The following MARCHF4 variants were observed in gnomAD, a reference collection of about 807,000 sequenced individuals.
The protein encoded by MARCHF4 is E3 ubiquitin-protein ligase MARCHF4.
In MARCHF4, 14 loss-of-function variants were observed where a neutral mutation model predicts 43.9. The observed-to-expected ratio is 0.32, with a 90% confidence interval of 0.21 to 0.50. MARCHF4 has a LOEUF of 0.50. MARCHF4 is among the 20% of genes least tolerant of loss of function. The pLI, the probability that MARCHF4 is intolerant of heterozygous loss-of-function variation, is 0.98. For synonymous variants in MARCHF4, 226 were observed against 213.3 expected (o/e 1.06, Z -0.52); for missense variants, 468 against 536.7 (o/e 0.87, Z 1.27).
chr2:216,304,666 A>T (rs1220022806), intron 1 of MARCHF4, among the ~76,000 whole-genome samples: 2 of 152,164 alleles, frequency 1.3e-5, no homozygotes, highest in Admixed American at 6.5e-5. Context: ...AATCTCCATC[A>T]GTCAAGTCTG....
chr2:216,285,743 GA>G, intron 1 of MARCHF4, among the ~76,000 whole-genome samples: 1 of 152,218 alleles, frequency 6.6e-6, no homozygotes, highest in South Asian at 2.1e-4. Flanking sequence ...AACAGGAGGG[GA>G]TGAGTGGAGA....
At chr2:216,354,850 C>A (rs987468187) in intron 1 of MARCHF4, among the ~76,000 whole-genome samples, 1 of 152,126 alleles carries the variant, frequency 6.6e-6, no homozygotes, top group Admixed American at 6.5e-5. Flanking sequence ...TGTCTACTCT[C>A]AGTTAATTCC....
At chr2:216,343,494 C>T (rs1433909573) in intron 1 of MARCHF4, among the ~76,000 whole-genome samples, 1 of 152,186 alleles carries the variant, frequency 6.6e-6, no homozygotes, top group Non-Finnish European at 1.5e-5. Context: ...AATACCATCA[C>T]ATCGGAGGTT....
intron 1 of MARCHF4, among the ~76,000 whole-genome samples, chr2:216,299,172 T>C (rs1430734343): frequency 1.3e-5 from 2 of 151,886 alleles, no homozygotes; most frequent in East Asian, 3.9e-4. Flanking sequence ...GGCTGCAGGA[T>C]TGGGGAATAG....
At chr2:216,262,734 A>C (rs948817578) in intron 3 of MARCHF4, among the ~76,000 whole-genome samples, 3 of 152,200 alleles carry the variant, frequency 2.0e-5, no homozygotes, top group Non-Finnish European at 4.4e-5. Context: ...CCTCAATGCT[A>C]TCACACCAAA....
intron 1 of MARCHF4, among the ~76,000 whole-genome samples, chr2:216,303,074 A>G (rs1691519384): frequency 6.6e-6 from 1 of 152,158 alleles, no homozygotes; most frequent in South Asian, 2.1e-4. Context: ...GAGGAATAAA[A>G]CATCCTGGTT....
At chr2:216,359,286 C>G (rs1390772086) in intron 1 of MARCHF4, among the ~76,000 whole-genome samples, 1 of 152,200 alleles carries the variant, frequency 6.6e-6, no homozygotes, top group African/African-American at 2.4e-5. Context: ...TCACATGGTC[C>G]TGTTGTAGCC....
intron 1 of MARCHF4, among the ~76,000 whole-genome samples, chr2:216,365,519 A>G (rs1191905640): frequency 1.3e-5 from 2 of 152,182 alleles, no homozygotes; most frequent in Non-Finnish European, 2.9e-5. Flanking sequence ...TTGCTCCACA[A>G]AGATAAAATC....
At chr2:216,262,553 A>G (rs1176084018) in intron 3 of MARCHF4, among the ~76,000 whole-genome samples, 1 of 152,152 alleles carries the variant, frequency 6.6e-6, no homozygotes, top group African/African-American at 2.4e-5. Context: ...TATTGGAGTC[A>G]GTGAATGGGG....
rs1317807 is a variant in MARCHF4, at chr2:216,282,774, T to C, written c.672+800A>G. Among the ~76,000 whole-genome samples the C allele has an allele frequency of 6.8e-3, 1,033 of 152,254 alleles. 9 individuals carry two copies. The highest frequency in any genetic ancestry group is 0.023 in the African/African-American group (966 of 41,538). On this transcript the variant is annotated intron_variant, in intron 2 of 3. Transcript: ENST00000273067. ...GATCCCTAAGTTCTGTCTGAATCTG[T>C]GTGGCAGGCCCTCATTCCACCCTGG...
rs1329179537 is a variant in MARCHF4 at position 216,372,368 on chromosome 2, C to A, written c.-2108G>T. ...GCGAGTGGACAGCTCCCACCCAGAC[C>A]CCGCGCGTCACGCTCGTGGGGGCCT... On this transcript the variant is annotated 5_prime_UTR_variant, in exon 1 of 4. Coordinates refer to ENST00000273067, the MANE Select transcript of MARCHF4 (RefSeq NM_020814.3). Among the ~76,000 whole-genome samples, 2 of 152,288 alleles carry A rather than the reference C, an allele frequency of 1.3e-5. No homozygotes were observed. Among genetic ancestry groups the A allele is most frequent in the Admixed American group, 6.5e-5 (1 of 15,312 alleles).
At position 216,281,710 on chromosome 2, in the gene MARCHF4, G is replaced by A. The variant is rs115786056; in HGVS notation, c.672+1864C>T. ...TCCAGTGCTATCCAGAAGTGAGATGGCATTTACTGAGCACACACAATTGCA... is the reference window on the plus strand; with the variant it reads ...TCCAGTGCTATCCAGAAGTGAGATGACATTTACTGAGCACACACAATTGCA... On this transcript the variant is annotated intron_variant, in intron 2 of 3. Coordinates refer to ENST00000273067, the MANE Select transcript of MARCHF4 (RefSeq NM_020814.3). Among the ~76,000 whole-genome samples, 567 of 152,258 alleles carry A rather than the reference G, an allele frequency of 3.7e-3. 4 individuals are homozygous for A. Among genetic ancestry groups the A allele is most frequent in the African/African-American group, 0.013 (539 of 41,546 alleles).
intron 1 of MARCHF4, among the ~76,000 whole-genome samples, chr2:216,317,061 C>T (rs1691789551): frequency 6.6e-6 from 1 of 152,100 alleles, no homozygotes; most frequent in Non-Finnish European, 1.5e-5. Context: ...CTCTTCAGCC[C>T]AAGCTGGTCT....
Position 216,323,222 on chromosome 2 carries a change from C to A in MARCHF4, c.517-39493G>T, listed in dbSNP as rs148403565. Among the ~76,000 whole-genome samples the A allele has an allele frequency of 2.3e-3, 345 of 152,188 alleles. 1 individual carries two copies. The highest frequency in any genetic ancestry group is 7.8e-3 in the African/African-American group (322 of 41,540). On this transcript the variant is annotated intron_variant, in intron 1 of 3. Coordinates refer to ENST00000273067, the MANE Select transcript of MARCHF4 (RefSeq NM_020814.3). Reference sequence around the variant, plus strand: ...AATTTTCTCCTTTTTTGCAATCATCCAAATGAGTGGGTAAGAATCTGGGCC... The same window carrying A: ...AATTTTCTCCTTTTTTGCAATCATCAAAATGAGTGGGTAAGAATCTGGGCC...
intron 1 of MARCHF4, among the ~76,000 whole-genome samples, chr2:216,317,394 G>A (rs1189542103): frequency 1.3e-5 from 2 of 150,350 alleles, no homozygotes; most frequent in African/African-American, 2.5e-5. Context: ...GTGCCCACAT[G>A]CAACATCAGC....
intron 1 of MARCHF4, among the ~76,000 whole-genome samples, chr2:216,320,921 C>T (rs1343035530): frequency 6.8e-6 from 1 of 147,666 alleles, no homozygotes; most frequent in African/African-American, 2.5e-5. Flanking sequence ...CCTCGTGATA[C>T]ACCTGCCTCG....
Position 216,259,479 on chromosome 2 carries a change from C to A in MARCHF4, c.1066G>T (p.Ala356Ser), listed in dbSNP as rs1690704948. 6.2e-7 allele frequency: 1 copy of A among 1,614,066 alleles called. No individual in the cohort carries two copies. The highest frequency in any genetic ancestry group is 8.5e-7 in the Non-Finnish European group (1 of 1,180,026). Residue 356 changes from alanine to serine, a missense_variant, in exon 4 of 4, where the codon GCC becomes TCC. Physicochemically the swap from Ala to Ser is moderately conservative, Grantham distance 99. This residue lies in a region of MARCHF4 where 120 missense variants were observed against 127.1 expected (regional missense o/e 0.94). Transcript: ENST00000273067. ...GCCTGGGCAGGGCCCTGCTCAGGGG[C>A]AGGGGTGCCTGCGGTCTCCTCTTCC... Reference protein sequence around the residue: ...SSEEETAGTPAPEQGPAQAAG... With the variant: ...SSEEETAGTPSPEQGPAQAAG...
Position 216,317,659 on chromosome 2 carries a change from C to T in MARCHF4, c.517-33930G>A, listed in dbSNP as rs370384738. Among the ~76,000 whole-genome samples, 11 of 152,300 alleles carry T rather than the reference C, an allele frequency of 7.2e-5. No individual in the cohort carries two copies. In the South Asian group the frequency reaches 1.9e-3, roughly 26 times the overall value. On this transcript the variant is annotated intron_variant, in intron 1 of 3. Coordinates refer to ENST00000273067, the MANE Select transcript of MARCHF4 (RefSeq NM_020814.3). Reference sequence around the variant, plus strand: ...GAACTCCTGACCTCAAGTGATCCACCCCCCTTGGCCTCCCAAAGTGCTGGG... The same window carrying T: ...GAACTCCTGACCTCAAGTGATCCACTCCCCTTGGCCTCCCAAAGTGCTGGG...
chr2:216,352,225 T>C (rs1465081219), intron 1 of MARCHF4, among the ~76,000 whole-genome samples: 1 of 152,184 alleles, frequency 6.6e-6, no homozygotes, highest in Non-Finnish European at 1.5e-5. Flanking sequence ...GTTACCATAG[T>C]GATCACCCCA....
Sources: allele counts gnomAD v4.1 joint callset (sites outside exome capture counted in the v4.1 genomes callset), GRCh38; gene constraint gnomAD v4.1.1; regional missense constraint gnomAD v4.1.1; transcripts MANE v1.5; gene names NCBI Gene and HGNC (gene_info 2026-07-23, HGNC 2026-07-21).